NKAIN2: variants seen among roughly 807,000 people sequenced by gnomAD.
NKAIN2 encodes sodium/potassium-transporting ATPase subunit beta-1-interacting protein 2.
In NKAIN2, 14 loss-of-function variants were observed where a neutral mutation model predicts 32.6. The ratio of observed to expected loss-of-function variants is 0.43; its 90% CI spans 0.28 to 0.67. The LOEUF (loss-of-function observed/expected upper bound fraction) is 0.67, where lower values mean the gene tolerates loss of function less well. Ranked by LOEUF, NKAIN2 falls within the 30% of genes least tolerant of loss-of-function variation. NKAIN2 has a pLI of 0.17. For synonymous variants in NKAIN2, 80 were observed against 87.2 expected (o/e 0.92, Z 0.46); for missense variants, 198 against 258.3 (o/e 0.77, Z 1.60).
chr6:124,264,354 A>C (rs148220799), intron 1 of NKAIN2, among the ~76,000 whole-genome samples: 348 of 152,296 alleles, frequency 2.3e-3, no homozygotes, highest in African/African-American at 8.0e-3. Context: ...GAGATCTCCT[A>C]AAACATTACC....
intron 3 of NKAIN2, among the ~76,000 whole-genome samples, chr6:124,519,608 T>C (rs1779048191): frequency 6.6e-6 from 1 of 152,158 alleles, no homozygotes; most frequent in Non-Finnish European, 1.5e-5. Flanking sequence ...TCCCTACAGA[T>C]TTTGAAAGCT....
intron 4 of NKAIN2, among the ~76,000 whole-genome samples, chr6:124,773,452 G>A (rs1056902078): frequency 2.6e-5 from 4 of 152,068 alleles, no homozygotes; most frequent in Non-Finnish European, 4.4e-5. Context: ...CACAGCATTC[G>A]GACCAGAATG....
Position 123,975,028 on chromosome 6 carries a change from T to G in NKAIN2, c.54+170774T>G, listed in dbSNP as rs548942480. Among the ~76,000 whole-genome samples the G allele has an allele frequency of 1.2e-4, 19 of 152,290 alleles. No homozygotes were observed. The East Asian group carries it at 3.3e-3, about 26-fold the overall frequency. ...TTTATTTCCTCATTTTAGCGTATGT[T>G]TGGTTATTAAGGGGAAGGGAGAGTA... On this transcript the variant is annotated intron_variant, in intron 1 of 6. Transcript: ENST00000368417.
In NKAIN2 at chr6:124,627,525, T is replaced by C. The variant is rs574992682; in HGVS notation, c.274-30661T>C. 3.3e-5 allele frequency among the ~76,000 whole-genome samples: 5 copies of C among 152,324 alleles called. No homozygotes were observed. In the South Asian group the frequency reaches 6.2e-4, roughly 19 times the overall value. ...TCAGCTTCAGTGTTCTCTCATTCTATGTAAGAATGTTCTCTCCAAAGGACT... is the reference window on the plus strand; with the variant it reads ...TCAGCTTCAGTGTTCTCTCATTCTACGTAAGAATGTTCTCTCCAAAGGACT... On this transcript the variant is annotated intron_variant, in intron 3 of 6. Transcript: ENST00000368417.
chr6:124,040,451 G>A (rs1345280115), intron 1 of NKAIN2, among the ~76,000 whole-genome samples: 1 of 151,882 alleles, frequency 6.6e-6, no homozygotes, highest in Non-Finnish European at 1.5e-5. Flanking sequence ...TTTAGTCATA[G>A]CTTATAGGTT....
chr6:123,971,495 T>A (rs769506524), intron 1 of NKAIN2, among the ~76,000 whole-genome samples: 1 of 152,312 alleles, frequency 6.6e-6, no homozygotes, highest in African/African-American at 2.4e-5. Context: ...TGCTTTGTAG[T>A]CAATCTCTTT....
At chr6:124,138,376 C>G (rs1195333801) in intron 1 of NKAIN2, among the ~76,000 whole-genome samples, 1 of 152,040 alleles carries the variant, frequency 6.6e-6, no homozygotes, top group Non-Finnish European at 1.5e-5. Context: ...TGGAACACTT[C>G]TACACTGCTG....
At chr6:124,729,897 C>A (rs1197914533) in intron 4 of NKAIN2, among the ~76,000 whole-genome samples, 2 of 151,106 alleles carry the variant, frequency 1.3e-5, no homozygotes, top group Non-Finnish European at 2.9e-5. Context: ...AAATCACAAG[C>A]ATTCTTATAC....
intron 1 of NKAIN2, among the ~76,000 whole-genome samples, chr6:123,986,332 C>T (rs1453493247): frequency 6.6e-6 from 1 of 152,098 alleles, no homozygotes; most frequent in East Asian, 1.9e-4. Context: ...AATTAGACTG[C>T]TATCGTAGAA....
intron 1 of NKAIN2, among the ~76,000 whole-genome samples, chr6:124,263,551 C>T (rs1794346340): frequency 6.6e-6 from 1 of 152,096 alleles, no homozygotes; most frequent in African/African-American, 2.4e-5. Context: ...CCTAACATGG[C>T]CATGTTAATA....
intron 1 of NKAIN2, among the ~76,000 whole-genome samples, chr6:123,831,898 C>T (rs1774400288): frequency 6.6e-6 from 1 of 152,162 alleles, no homozygotes; most frequent in African/African-American, 2.4e-5. Flanking sequence ...TCGTGATCCG[C>T]CCGCCTCGGC....
chr6:124,425,003 A>G (rs1380772378), intron 3 of NKAIN2, among the ~76,000 whole-genome samples: 1 of 152,106 alleles, frequency 6.6e-6, no homozygotes, highest in East Asian at 1.9e-4. Context: ...CTATGGCTAT[A>G]CCAATTAACA....
At chr6:124,285,518 C>T (rs1164763453) in intron 2 of NKAIN2, among the ~76,000 whole-genome samples, 2 of 152,138 alleles carry the variant, frequency 1.3e-5, no homozygotes, top group East Asian at 3.9e-4. Flanking sequence ...ACAATTTCCT[C>T]TCTCCACTCA....
intron 1 of NKAIN2, among the ~76,000 whole-genome samples, chr6:124,169,123 A>G (rs1025040943): frequency 2.0e-5 from 3 of 152,164 alleles, no homozygotes; most frequent in Non-Finnish European, 1.5e-5. Context: ...ATGTACATTT[A>G]AATTTTGATG....
intron 1 of NKAIN2, among the ~76,000 whole-genome samples, chr6:124,220,804 A>G (rs1791775270): frequency 6.6e-6 from 1 of 152,088 alleles, no homozygotes; most frequent in Non-Finnish European, 1.5e-5. Context: ...GAGGCCTAGA[A>G]TAATTCCTGG....
intron 1 of NKAIN2, among the ~76,000 whole-genome samples, chr6:123,840,224 G>C (rs1159023287): frequency 6.6e-6 from 1 of 152,086 alleles, no homozygotes; most frequent in South Asian, 2.1e-4. Flanking sequence ...GAGTACTTAG[G>C]CAAATTCTGT....
intron 3 of NKAIN2, among the ~76,000 whole-genome samples, chr6:124,537,467 T>C (rs1779758622): frequency 6.6e-6 from 1 of 152,216 alleles, no homozygotes; most frequent in Non-Finnish European, 1.5e-5. Flanking sequence ...CTTTAGTAAA[T>C]GTTTTATTTA....
intron 2 of NKAIN2, among the ~76,000 whole-genome samples, chr6:124,305,302 G>A (rs73773729): frequency 0.055 from 8,300 of 152,148 alleles, 597 homozygotes; most frequent in African/African-American, 0.17. Flanking sequence ...AGGCCACCTC[G>A]GAGGCAATCA....
chr6:124,207,484 G>T (rs2114647210), intron 1 of NKAIN2, among the ~76,000 whole-genome samples: 1 of 148,670 alleles, frequency 6.7e-6, no homozygotes. Context: ...ATCCTTCTCT[G>T]TGTTGCCATA....
Sources: allele counts gnomAD v4.1 joint callset (sites outside exome capture counted in the v4.1 genomes callset), GRCh38; gene constraint gnomAD v4.1.1; transcripts MANE v1.5; gene names NCBI Gene and HGNC (gene_info 2026-07-23, HGNC 2026-07-21).